Variants in SRRM4 observed in about 807,000 individuals in gnomAD.
SRRM4 encodes the protein serine/arginine repetitive matrix protein 4.
SRRM4 carries 33 observed loss-of-function variants against 68.9 expected under a neutral mutation model. That is an observed-to-expected ratio of 0.48 (90% CI 0.36 to 0.64). The LOEUF is 0.64. Ranked by LOEUF, SRRM4 falls within the 30% of genes least tolerant of loss-of-function variation. SRRM4 has a pLI of 0.00. For missense variants in SRRM4, 817 were observed against 827.1 expected (o/e 0.99, Z 0.15); for synonymous variants, 318 against 318.8 (o/e 1.00, Z 0.03).
chr12:119,103,096 A>T (rs1954086753), intron 2 of SRRM4, among the ~76,000 whole-genome samples: 1 of 152,074 alleles, frequency 6.6e-6, no homozygotes, highest in African/African-American at 2.4e-5. Flanking sequence ...AACAAAAAAA[A>T]AATTATCCCC....
chr12:118,989,856 C>G (rs906779438), intron 1 of SRRM4: 2 of 152,236 alleles, frequency 1.3e-5, no homozygotes, highest in African/African-American at 2.4e-5. Context: ...CAACAGATCA[C>G]TGTTCTCTGG....
At chr12:119,077,581 A>G (rs1363969935) in intron 1 of SRRM4, among the ~76,000 whole-genome samples, 1 of 152,146 alleles carries the variant, frequency 6.6e-6, no homozygotes, top group Non-Finnish European at 1.5e-5. Flanking sequence ...GTCAACTATT[A>G]TCATTATTAT....
At chr12:119,004,553 C>T (rs1355711481) in intron 1 of SRRM4, among the ~76,000 whole-genome samples, 1 of 151,988 alleles carries the variant, frequency 6.6e-6, no homozygotes, top group African/African-American at 2.4e-5. Flanking sequence ...ATTTTCCATC[C>T]TGCAGCTCAC....
intron 1 of SRRM4, among the ~76,000 whole-genome samples, chr12:119,076,028 G>C (rs1401744261): frequency 6.6e-6 from 1 of 150,852 alleles, no homozygotes; most frequent in Non-Finnish European, 1.5e-5. Flanking sequence ...GATGATGGTG[G>C]TGATGGTGAT....
At chr12:119,025,600 A>G (rs1231864650) in intron 1 of SRRM4, among the ~76,000 whole-genome samples, 1 of 150,408 alleles carries the variant, frequency 6.6e-6, no homozygotes, top group Non-Finnish European at 1.5e-5. Flanking sequence ...ATGTGCCACC[A>G]TGACCAGCTA....
In SRRM4 at chr12:119,114,687, C is replaced by T. The variant is rs867189539; in HGVS notation, c.365+323C>T. On this transcript the variant is annotated intron_variant, in intron 3 of 12. Coordinates refer to ENST00000267260, the MANE Select transcript of SRRM4 (RefSeq NM_194286.4). ...TTTTTTTTTTTTTTTTTTTTTGAGA[C>T]GGAGTCTCGCTCTGTCACCCAGGCT... Among the ~76,000 whole-genome samples, 9 of 104,494 alleles carry T rather than the reference C, an allele frequency of 8.6e-5. No individual in the cohort carries two copies. The East Asian group carries it at 1.7e-3, about 20-fold the overall frequency. The allele number at this position is 104,494 out of a possible 152,430, so 68.6% of individuals were successfully genotyped here.
intron 1 of SRRM4, among the ~76,000 whole-genome samples, chr12:119,034,183 G>A (rs949355121): frequency 1.3e-5 from 2 of 152,228 alleles, no homozygotes; most frequent in African/African-American, 2.4e-5. Context: ...ACACCACAGA[G>A]AGCTCTGAAG....
At chr12:119,141,987 G>T (rs1954368211) in intron 8 of SRRM4, among the ~76,000 whole-genome samples, 1 of 152,224 alleles carries the variant, frequency 6.6e-6, no homozygotes, top group East Asian at 1.9e-4. Flanking sequence ...GCCATGTGAA[G>T]TGGGGAAGAG....
At chr12:119,066,852 C>A (rs1272475280) in intron 1 of SRRM4, among the ~76,000 whole-genome samples, 2 of 152,216 alleles carry the variant, frequency 1.3e-5, no homozygotes, top group Non-Finnish European at 2.9e-5. Flanking sequence ...TGTCTTCCTG[C>A]TACTGGCTCT....
At chr12:119,043,772 G>A (rs1042386396) in intron 1 of SRRM4, among the ~76,000 whole-genome samples, 8 of 41,604 alleles carry the variant, frequency 1.9e-4, no homozygotes, top group Non-Finnish European at 3.7e-4. Flanking sequence ...ACACATACAC[G>A]CATACACACA....
At chr12:119,041,895 C>G (rs959335269) in intron 1 of SRRM4, among the ~76,000 whole-genome samples, 2 of 152,180 alleles carry the variant, frequency 1.3e-5, no homozygotes, top group Non-Finnish European at 2.9e-5. Flanking sequence ...GCTCAATCTT[C>G]TCAGCATGGC....
At chr12:119,036,010 T>C (rs1465360343) in intron 1 of SRRM4, among the ~76,000 whole-genome samples, 3 of 152,136 alleles carry the variant, frequency 2.0e-5, no homozygotes, top group Non-Finnish European at 4.4e-5. Flanking sequence ...AAAATTCTTA[T>C]TGTCATTTTC....
At chr12:119,052,606 G>T (rs760724305) in intron 1 of SRRM4, among the ~76,000 whole-genome samples, 2 of 152,048 alleles carry the variant, frequency 1.3e-5, no homozygotes, top group Admixed American at 1.3e-4. Context: ...TCGGCTCACC[G>T]CAAGCTCCGC....
At chr12:119,137,291 G>C (rs1386333845) in intron 8 of SRRM4, among the ~76,000 whole-genome samples, 1 of 152,106 alleles carries the variant, frequency 6.6e-6, no homozygotes, top group Non-Finnish European at 1.5e-5. Flanking sequence ...TTCTCTTCTT[G>C]ATTGTATTTT....
rs559678751 is a variant in SRRM4, at chr12:119,003,061, G to A, written c.131+21048G>A. Among the ~76,000 whole-genome samples, 4 of 151,962 alleles carry A rather than the reference G, an allele frequency of 2.6e-5. 1 individual carries two copies. The East Asian group carries it at 8.0e-4, about 30-fold the overall frequency. On this transcript the variant is annotated intron_variant, in intron 1 of 12. Coordinates refer to ENST00000267260, the MANE Select transcript of SRRM4 (RefSeq NM_194286.4). ...TCATTCAACGTCCCACAGCTAGTAA[G>A]GGATCAAGCAGGGGTTTGAATCCCA...
chr12:119,111,983 T>C (rs1016553259), intron 2 of SRRM4, among the ~76,000 whole-genome samples: 1 of 151,798 alleles, frequency 6.6e-6, no homozygotes, highest in Non-Finnish European at 1.5e-5. Flanking sequence ...GAGATGGAGG[T>C]TGCAGTGAGC....
intron 1 of SRRM4, among the ~76,000 whole-genome samples, chr12:119,019,960 C>CCCA (rs1953505197): frequency 1.3e-5 from 1 of 77,970 alleles, no homozygotes; most frequent in South Asian, 4.5e-4. Context: ...CCCCCCCCCC[C>CCCA]CAAAAAAAAA....
intron 1 of SRRM4, among the ~76,000 whole-genome samples, chr12:119,079,182 T>C (rs981975505): frequency 6.6e-6 from 1 of 151,876 alleles, no homozygotes; most frequent in Non-Finnish European, 1.5e-5. Flanking sequence ...GCAAGAAAGA[T>C]TTGGGGTGGC....
rs79211514 is a variant in SRRM4 at position 119,142,119 on chromosome 12, G to A, written c.772-3262G>A. Among the ~76,000 whole-genome samples, 936 of 152,308 alleles carry A rather than the reference G, an allele frequency of 6.1e-3. 11 individuals carry two copies. Among genetic ancestry groups the A allele is most frequent in the African/African-American group, 0.021 (881 of 41,562 alleles). On this transcript the variant is annotated intron_variant, in intron 8 of 12. Coordinates refer to ENST00000267260, the MANE Select transcript of SRRM4 (RefSeq NM_194286.4). Reference sequence around the variant, plus strand: ...CAGCTTAGGCTGTGGGGGCCAGGGTGGGATGGTGTGGAAGAGATGCTATTT... The same window carrying A: ...CAGCTTAGGCTGTGGGGGCCAGGGTAGGATGGTGTGGAAGAGATGCTATTT...
Sources: gnomAD v4.1 joint callset for allele counts (sites outside exome capture counted in the v4.1 genomes callset) on GRCh38, gnomAD v4.1.1 for gene constraint, MANE v1.5 for transcripts, NCBI Gene and HGNC (gene_info 2026-07-23, HGNC 2026-07-21) for gene names.